The following NALCN variants were observed in gnomAD, a reference collection of about 807,000 sequenced individuals.
NALCN encodes the protein sodium leak channel NALCN.
In NALCN, 111 loss-of-function variants were observed where a neutral mutation model predicts 225.3. The ratio of observed to expected loss-of-function variants is 0.49; its 90% CI spans 0.42 to 0.58. The LOEUF (loss-of-function observed/expected upper bound fraction) is 0.58, where lower values mean the gene tolerates loss of function less well. Among genes scored for constraint, NALCN ranks in the 20% least tolerant of loss-of-function variants. NALCN has a pLI of 0.00. For synonymous variants in NALCN, 764 were observed against 769.0 expected (o/e 0.99, Z 0.11); for missense variants, 1,378 against 2,202.4 (o/e 0.63, Z 7.49).
chr13:101,079,536 A>C (rs1394952810), intron 34 of NALCN, among the ~76,000 whole-genome samples: 1 of 152,182 alleles, frequency 6.6e-6, no homozygotes, highest in Non-Finnish European at 1.5e-5. Context: ...TCTCTGATGA[A>C]GCCATCTCCC....
At chr13:101,166,549 G>C (rs1321444047) in intron 15 of NALCN, among the ~76,000 whole-genome samples, 1 of 151,992 alleles carries the variant, frequency 6.6e-6, no homozygotes, top group Non-Finnish European at 1.5e-5. Flanking sequence ...ATAAATGTCA[G>C]CTTAAGTATT....
At chr13:101,121,196 A>G (rs2139685581) in intron 18 of NALCN, among the ~76,000 whole-genome samples, 1 of 152,204 alleles carries the variant, frequency 6.6e-6, no homozygotes, top group Non-Finnish European at 1.5e-5. Context: ...ATCCTACATT[A>G]GATCTTCAGG....
intron 15 of NALCN, among the ~76,000 whole-genome samples, chr13:101,148,880 T>A (rs961087609): frequency 6.6e-6 from 1 of 152,222 alleles, no homozygotes; most frequent in Non-Finnish European, 1.5e-5. Context: ...AATTTGTTAG[T>A]GTGGAGTATG....
At chr13:101,147,826 C>G (rs185907218) in intron 15 of NALCN, among the ~76,000 whole-genome samples, 1 of 152,138 alleles carries the variant, frequency 6.6e-6, no homozygotes, top group Non-Finnish European at 1.5e-5. Flanking sequence ...TTGGAAACAT[C>G]TGCACCCTCT....
intron 15 of NALCN, among the ~76,000 whole-genome samples, chr13:101,157,419 G>T (rs541488573): frequency 1.2e-4 from 19 of 152,246 alleles, no homozygotes; most frequent in African/African-American, 4.6e-4. Context: ...GATGAGGACT[G>T]GAAATTTCAC....
At chr13:101,230,518 T>G (rs914946033) in intron 12 of NALCN, among the ~76,000 whole-genome samples, 3 of 152,214 alleles carry the variant, frequency 2.0e-5, no homozygotes, top group African/African-American at 7.2e-5. Context: ...ACCTACGGAA[T>G]GTGAGAGGAA....
At chr13:101,333,882 T>C (rs1473075831) in intron 7 of NALCN, among the ~76,000 whole-genome samples, 2 of 152,158 alleles carry the variant, frequency 1.3e-5, no homozygotes, top group Middle Eastern at 3.2e-3. Context: ...CGTGAGTATC[T>C]GGCTTAACAG....
chr13:101,227,421 T>G (rs1385617162), intron 13 of NALCN, among the ~76,000 whole-genome samples: 1 of 151,756 alleles, frequency 6.6e-6, no homozygotes, highest in Non-Finnish European at 1.5e-5. Flanking sequence ...AATCTAGGAG[T>G]GGCCAACCCA....
At chr13:101,301,321 AC>A (rs1490132876) in intron 7 of NALCN, among the ~76,000 whole-genome samples, 1 of 152,164 alleles carries the variant, frequency 6.6e-6, no homozygotes, top group Non-Finnish European at 1.5e-5. Context: ...TAGCAAAGAA[AC>A]CTGGTCAGAT....
chr13:101,260,954 A>C (rs1421743852), intron 10 of NALCN, among the ~76,000 whole-genome samples: 2 of 152,164 alleles, frequency 1.3e-5, no homozygotes, highest in Non-Finnish European at 2.9e-5. Flanking sequence ...TGCCCAGTCC[A>C]ATGTCCTGGA....
intron 15 of NALCN, among the ~76,000 whole-genome samples, chr13:101,148,771 A>G (rs1232520529): frequency 6.6e-6 from 1 of 152,224 alleles, no homozygotes; most frequent in African/African-American, 2.4e-5. Flanking sequence ...ACTCTAAGCT[A>G]AACTCTCCAG....
intron 4 of NALCN, among the ~76,000 whole-genome samples, chr13:101,377,465 A>C (rs866449380): frequency 6.6e-6 from 1 of 152,348 alleles, no homozygotes; most frequent in Middle Eastern, 3.4e-3. Flanking sequence ...ACTAACAGGC[A>C]AAATAATAAT....
At chr13:101,213,003 A>C (rs2140083510) in intron 13 of NALCN, among the ~76,000 whole-genome samples, 1 of 152,314 alleles carries the variant, frequency 6.6e-6, no homozygotes. Flanking sequence ...ATCCTAAGCC[A>C]AAAGAACAAA....
intron 27 of NALCN, among the ~76,000 whole-genome samples, chr13:101,097,875 G>C (rs2139586248): frequency 6.6e-6 from 1 of 152,286 alleles, no homozygotes; most frequent in East Asian, 1.9e-4. Flanking sequence ...AACACTCACT[G>C]TTGAGATCAG....
At chr13:101,095,106 C>A (rs2034433429) in intron 28 of NALCN, among the ~76,000 whole-genome samples, 1 of 152,162 alleles carries the variant, frequency 6.6e-6, no homozygotes, top group African/African-American at 2.4e-5. Context: ...TCAACTGTGT[C>A]ACTGATTATT....
intron 7 of NALCN, among the ~76,000 whole-genome samples, chr13:101,302,383 A>C (rs1310392303): frequency 1.3e-5 from 2 of 152,194 alleles, no homozygotes; most frequent in Non-Finnish European, 2.9e-5. Context: ...AGATCAACCA[A>C]GATTGGAAAT....
chr13:101,326,535 G>T (rs902509748), intron 7 of NALCN, among the ~76,000 whole-genome samples: 3 of 152,176 alleles, frequency 2.0e-5, no homozygotes. Context: ...AAAATACAGA[G>T]TATAGTACAG....
At chr13:101,415,372 C>A (rs556295217) in intron 1 of NALCN, among the ~76,000 whole-genome samples, 5 of 152,216 alleles carry the variant, frequency 3.3e-5, no homozygotes, top group African/African-American at 1.2e-4. Flanking sequence ...ACCACACGAA[C>A]ACCAGATTAA....
At chr13:101,239,647 T>C (rs1294853053) in intron 11 of NALCN, among the ~76,000 whole-genome samples, 1 of 151,984 alleles carries the variant, frequency 6.6e-6, no homozygotes, top group Non-Finnish European at 1.5e-5. Context: ...GCAGGAATCA[T>C]CAGGAAGGTG....
Sources: gnomAD v4.1 joint callset for allele counts (sites outside exome capture counted in the v4.1 genomes callset) on GRCh38, gnomAD v4.1.1 for gene constraint, MANE v1.5 for transcripts, NCBI Gene and HGNC (gene_info 2026-07-23, HGNC 2026-07-21) for gene names.